The following SH3BGRL variants were observed in gnomAD, a reference collection of about 807,000 sequenced individuals.
SH3BGRL encodes adapter SH3BGRL.
A neutral mutation model predicts 9.8 loss-of-function variants in SH3BGRL; 7 were observed. That is an observed-to-expected ratio of 0.72 (90% CI 0.41 to 1.35). SH3BGRL has a LOEUF of 1.35. Among genes scored for constraint, SH3BGRL ranks in the 40% most tolerant of loss-of-function variants. The probability of loss-of-function intolerance (pLI) is 0.01; values close to 1 mark genes in which losing one functional copy is unlikely to be tolerated. For missense variants in SH3BGRL, 73 were observed against 84.4 expected (o/e 0.86, Z 0.53); for synonymous variants, 36 against 29.1 (o/e 1.24, Z -0.76).
chrX:81,262,151 T>G (rs1311050847), intron 1 of SH3BGRL, among the ~76,000 whole-genome samples: 1 of 111,080 alleles, frequency 9.0e-6, no homozygotes, highest in Non-Finnish European at 1.9e-5. Context: ...ATGGTCAGAG[T>G]CCCACTATGC....
chrX:81,226,490 TTATATATATATATATATC>T (rs2075617062), intron 1 of SH3BGRL, among the ~76,000 whole-genome samples: 2 of 101,379 alleles, frequency 2.0e-5, no homozygotes, highest in Admixed American at 2.2e-4. Flanking sequence ...TTGGATATAT[TTATATATATATATATATC>T]TATATATATA....
chrX:81,232,891 T>C (rs981626197), intron 1 of SH3BGRL, among the ~76,000 whole-genome samples: 1 of 111,650 alleles, frequency 9.0e-6, no homozygotes, highest in Non-Finnish European at 1.9e-5. Flanking sequence ...GATATTTTAT[T>C]CTTTATATGT....
intron 1 of SH3BGRL, among the ~76,000 whole-genome samples, chrX:81,257,742 C>T (rs1375123329): frequency 1.8e-5 from 2 of 110,682 alleles, no homozygotes; most frequent in African/African-American, 6.6e-5. Context: ...ATAGCAGATC[C>T]TACCCACACT....
At chrX:81,262,666 G>A (rs981874822) in intron 1 of SH3BGRL, among the ~76,000 whole-genome samples, 1 of 111,860 alleles carries the variant, frequency 8.9e-6, no homozygotes, top group African/African-American at 3.2e-5. Context: ...ACCAATGTTG[G>A]CTTCTTAGTT....
At chrX:81,248,135 TG>T (rs1271302436) in intron 1 of SH3BGRL, among the ~76,000 whole-genome samples, 1 of 111,140 alleles carries the variant, frequency 9.0e-6, no homozygotes, top group African/African-American at 3.3e-5. Context: ...TGTATTTCTG[TG>T]GGGTCATTTG....
chrX:81,209,735 G>A (rs1376153526), intron 1 of SH3BGRL, among the ~76,000 whole-genome samples: 1 of 112,192 alleles, frequency 8.9e-6, no homozygotes, highest in Middle Eastern at 4.6e-3. Context: ...TTCATAACCC[G>A]TACTCGAGAG....
chrX:81,278,096 G>A (rs780396290), intron 2 of SH3BGRL, among the ~76,000 whole-genome samples: 179 of 111,592 alleles, frequency 1.6e-3, no homozygotes, highest in African/African-American at 5.5e-3. Flanking sequence ...CCAAGTAGCG[G>A]GGATTACAGG....
chrX:81,274,105 T>C (rs904521432), intron 1 of SH3BGRL, among the ~76,000 whole-genome samples: 1 of 111,883 alleles, frequency 8.9e-6, no homozygotes, highest in African/African-American at 3.3e-5. Context: ...AACTCCAAAG[T>C]CATTTTTATC....
At chrX:81,266,503 A>C (rs758001190) in intron 1 of SH3BGRL, among the ~76,000 whole-genome samples, 2 of 111,716 alleles carry the variant, frequency 1.8e-5, no homozygotes, top group African/African-American at 6.5e-5. Flanking sequence ...TTTATCGAAG[A>C]TCAGATGGTT....
intron 1 of SH3BGRL, among the ~76,000 whole-genome samples, chrX:81,228,428 G>C (rs996700351): frequency 2.7e-5 from 3 of 112,013 alleles, no homozygotes; most frequent in African/African-American, 9.7e-5. Context: ...TCAATAGAAA[G>C]GAATGTCTGG....
chrX:81,278,741 G>A (rs755409616), intron 3 of SH3BGRL, among the ~76,000 whole-genome samples: 2 of 111,672 alleles, frequency 1.8e-5, no homozygotes, highest in African/African-American at 3.3e-5. Flanking sequence ...GTTCTACATC[G>A]ACAGTAAGCA....
At chrX:81,206,980 C>T (rs753549718) in intron 1 of SH3BGRL, among the ~76,000 whole-genome samples, 5 of 112,255 alleles carry the variant, frequency 4.5e-5, no homozygotes, top group Non-Finnish European at 9.4e-5. Context: ...GTATATGCCA[C>T]GTTTTGTTTC....
chrX:81,294,445 C>G (rs1197727175), intron 3 of SH3BGRL, among the ~76,000 whole-genome samples: 1 of 110,642 alleles, frequency 9.0e-6, no homozygotes, highest in African/African-American at 3.3e-5. Context: ...CAAGCCCTGG[C>G]AACTTCCATG....
At chrX:81,278,220 C>T (rs113088278) in intron 2 of SH3BGRL, 111 bp from the exon 3 acceptor site, 1 of 516,996 alleles carries the variant, frequency 1.9e-6, no homozygotes. Flanking sequence ...ACCTCGGCCT[C>T]CCAAAGTGTT....
In SH3BGRL at chrX:81,219,239, T is replaced by A. The variant is rs999241015; in HGVS notation, c.45+16994T>A. ...AAAGCATCAGGTAACTATATATATATATTTACATATATATGTAGATTTATA... is the reference window on the plus strand; with the variant it reads ...AAAGCATCAGGTAACTATATATATAAATTTACATATATATGTAGATTTATA... On this transcript the variant is annotated intron_variant, in intron 1 of 3. Coordinates refer to ENST00000373212, the MANE Select transcript of SH3BGRL (RefSeq NM_003022.3). 4.5e-5 allele frequency among the ~76,000 whole-genome samples: 5 copies of A among 110,032 alleles called. 1 individual carries two copies. The highest frequency in any genetic ancestry group is 1.9e-4 in the Admixed American group (2 of 10,267).
At chrX:81,207,979 G>A (rs964604470) in intron 1 of SH3BGRL, among the ~76,000 whole-genome samples, 7 of 111,699 alleles carry the variant, frequency 6.3e-5, no homozygotes, top group African/African-American at 1.6e-4. Flanking sequence ...TATCTGGGCC[G>A]GGCACGGTGG....
At chrX:81,217,914 T>C (rs974804057) in intron 1 of SH3BGRL, among the ~76,000 whole-genome samples, 1 of 110,984 alleles carries the variant, frequency 9.0e-6, no homozygotes, top group African/African-American at 3.3e-5. Context: ...GTAATTGTTT[T>C]ATAAATTTGG....
At chrX:81,248,999 T>G (rs1355710378) in intron 1 of SH3BGRL, among the ~76,000 whole-genome samples, 1 of 112,209 alleles carries the variant, frequency 8.9e-6, no homozygotes, top group East Asian at 2.8e-4. Flanking sequence ...CCCTCACAAT[T>G]CTGGTGGATT....
At chrX:81,211,544 G>C (rs1243107315) in intron 1 of SH3BGRL, among the ~76,000 whole-genome samples, 1 of 110,437 alleles carries the variant, frequency 9.1e-6, no homozygotes, top group Non-Finnish European at 1.9e-5. Context: ...CCGAGATCGT[G>C]CCACTGCACT....
Sources: gnomAD v4.1 joint callset for allele counts (sites outside exome capture counted in the v4.1 genomes callset) on GRCh38, gnomAD v4.1.1 for gene constraint, MANE v1.5 for transcripts, NCBI Gene and HGNC (gene_info 2026-07-23, HGNC 2026-07-21) for gene names.